ARL9: variants seen among roughly 807,000 people sequenced by gnomAD.
ARL9 encodes the protein ADP-ribosylation factor-like protein 9.
ARL9 carries 14 observed loss-of-function variants against 27.0 expected under a neutral mutation model. The observed-to-expected ratio is 0.52, with a 90% CI of 0.34 to 0.81. The LOEUF is 0.81. Among genes scored for constraint, ARL9 ranks in the 30% least tolerant of loss-of-function variants. ARL9 has a pLI of 0.01. For missense variants in ARL9, 294 were observed against 290.0 expected (o/e 1.01, Z -0.10); for synonymous variants, 106 against 108.7 (o/e 0.98, Z 0.15).
At chr4:56,520,688 G>GA (rs1356628530) in intron 3 of ARL9, among the ~76,000 whole-genome samples, 2 of 152,168 alleles carry the variant, frequency 1.3e-5, no homozygotes, top group South Asian at 2.1e-4. Context: ...AATAAAAATT[G>GA]AAAAAAATTT....
chr4:56,513,716 T>C (rs1039878929), intron 2 of ARL9, among the ~76,000 whole-genome samples: 12 of 152,170 alleles, frequency 7.9e-5, no homozygotes, highest in African/African-American at 2.4e-4. Flanking sequence ...CAGTATTTAA[T>C]CTGCAGTGGG....
intron 2 of ARL9, among the ~76,000 whole-genome samples, chr4:56,517,129 C>T (rs1344155973): frequency 6.6e-6 from 1 of 152,104 alleles, no homozygotes; most frequent in African/African-American, 2.4e-5. Flanking sequence ...ATGTTTAGAG[C>T]AGCATTGTTT....
At chr4:56,517,134 T>C (rs1578212829) in intron 2 of ARL9, among the ~76,000 whole-genome samples, 1 of 152,302 alleles carries the variant, frequency 6.6e-6, no homozygotes, top group Admixed American at 6.5e-5. Flanking sequence ...TAGAGCAGCA[T>C]TGTTTATTGT....
intron 3 of ARL9, among the ~76,000 whole-genome samples, chr4:56,520,268 T>C (rs1202466603): frequency 6.6e-6 from 1 of 152,052 alleles, no homozygotes; most frequent in Admixed American, 6.6e-5. Context: ...CTCCCAAAGT[T>C]CTGGGATTAC....
In ARL9 at chr4:56,507,610, C is replaced by G. The variant is rs565046701; in HGVS notation, c.279+1469C>G. 4.2e-4 allele frequency among the ~76,000 whole-genome samples: 63 copies of G among 151,528 alleles called. 1 individual carries two copies. The highest frequency in any genetic ancestry group is 7.4e-5 in the Non-Finnish European group (5 of 67,894). On this transcript the variant is annotated intron_variant, in intron 1 of 3. Coordinates refer to ENST00000640821, the MANE Select transcript of ARL9 (RefSeq NM_001363794.2). ...GATTACAGGCATGAGCCACTGTGCCCGGCCTGGGAACTGCTTTTAATTCAC... is the reference window on the plus strand; with the variant it reads ...GATTACAGGCATGAGCCACTGTGCCGGGCCTGGGAACTGCTTTTAATTCAC...
intron 3 of ARL9, among the ~76,000 whole-genome samples, chr4:56,522,814 T>G (rs1360758280): frequency 6.6e-6 from 1 of 152,160 alleles, no homozygotes; most frequent in Non-Finnish European, 1.5e-5. Flanking sequence ...TCTCTTTCCC[T>G]GTCTCTCCTC....
At chr4:56,511,084 A>G in intron 1 of ARL9, 101 bp from the exon 2 acceptor site, 1 of 1,230,646 alleles carries the variant, frequency 8.1e-7, no homozygotes, top group Non-Finnish European at 1.1e-6. Flanking sequence ...GTGGAGTTTT[A>G]TTCTGGTTAC....
chr4:56,506,786 TTGTGTGTGTG>T (rs138908292), intron 1 of ARL9: 127 of 181,690 alleles, frequency 7.0e-4, no homozygotes, highest in Admixed American at 2.2e-3. Flanking sequence ...ATTAACACAG[TTGTGTGTGTG>T]TGTGTGTGTG....
chr4:56,509,891 T>A (rs539856675), intron 1 of ARL9, among the ~76,000 whole-genome samples: 10 of 151,800 alleles, frequency 6.6e-5, no homozygotes, highest in Admixed American at 5.9e-4. Context: ...GTATTTTAAG[T>A]AGACACAGAG....
At chr4:56,515,464 C>G (rs191118611) in intron 2 of ARL9, among the ~76,000 whole-genome samples, 27 of 152,106 alleles carry the variant, frequency 1.8e-4, no homozygotes, top group African/African-American at 6.3e-4. Flanking sequence ...ACAGAAAGTA[C>G]TAAATGTTAG....
intron 1 of ARL9, among the ~76,000 whole-genome samples, chr4:56,507,554 A>G (rs1721500384): frequency 6.6e-6 from 1 of 151,190 alleles, no homozygotes; most frequent in South Asian, 2.1e-4. Context: ...AGCTCAAGCG[A>G]TCCACCCGCG....
At chr4:56,508,100 G>A (rs1333705985) in intron 1 of ARL9, among the ~76,000 whole-genome samples, 1 of 152,142 alleles carries the variant, frequency 6.6e-6, no homozygotes, top group African/African-American at 2.4e-5. Context: ...GTATGTTGGG[G>A]TAGGCTGAAT....
chr4:56,521,686 TTTA>T (rs1387581605), intron 3 of ARL9, among the ~76,000 whole-genome samples: 1 of 152,228 alleles, frequency 6.6e-6, no homozygotes, highest in East Asian at 1.9e-4. Flanking sequence ...GAACTTGTTT[TTTA>T]TTATTCTAAT....
chr4:56,518,000 T>C (rs556588298), intron 2 of ARL9, among the ~76,000 whole-genome samples: 1 of 152,252 alleles, frequency 6.6e-6, no homozygotes, highest in East Asian at 1.9e-4. Flanking sequence ...TCCCATTTTC[T>C]TTTTCTTTTC....
Position 56,506,059 on chromosome 4 carries a change from AAG to A in ARL9, c.201_202del (p.Lys68GlyfsTer4). 8.3e-7 allele frequency: 1 copy of A among 1,201,526 alleles called. No homozygotes were observed. Among genetic ancestry groups the A allele is most frequent in the Non-Finnish European group, 1.0e-6 (1 of 962,716 alleles). 74.4% of individuals were successfully genotyped at this position (1,201,526 alleles called of 1,614,324 possible). ...ACAAAGCAAGGGAAGGAGACAAACA[AAG>A]AGAAGGAACAATTTAAGGGACAAGA... is the stretch of plus-strand genomic sequence containing the variant. On this transcript the variant is annotated frameshift_variant, in exon 1 of 4. Coordinates refer to ENST00000640821, the MANE Select transcript of ARL9 (RefSeq NM_001363794.2). LOFTEE classifies it high-confidence loss of function.
At chr4:56,510,469 C>T (rs998935627) in intron 1 of ARL9, among the ~76,000 whole-genome samples, 4 of 152,038 alleles carry the variant, frequency 2.6e-5, no homozygotes, top group African/African-American at 4.8e-5. Flanking sequence ...GCTTATGCAC[C>T]GAGTGGCACA....
chr4:56,520,185 T>C (rs2110154318), intron 3 of ARL9, among the ~76,000 whole-genome samples: 1 of 152,280 alleles, frequency 6.6e-6, no homozygotes, highest in African/African-American at 2.4e-5. Flanking sequence ...GTATTTTTAG[T>C]AGAGACAGAG....
At chr4:56,506,268 A>G in intron 1 of ARL9, 127 bp downstream of exon 1, 2 of 977,900 alleles carry the variant, frequency 2.0e-6, no homozygotes, top group Non-Finnish European at 2.6e-6. Flanking sequence ...ACTGAGGGCT[A>G]TTTACCTATG....
Position 56,505,812 on chromosome 4 carries a change from C to T in ARL9, c.-51C>T, listed in dbSNP as rs766937966. ...AGCCACACCTGGGGCCCAGAGCCAC[C>T]GCTCAGCACGCGGGCACGCGGCGGG... On this transcript the variant is annotated 5_prime_UTR_variant, in exon 1 of 4. Transcript: ENST00000640821. 193 of 1,296,974 alleles carry T rather than the reference C, an allele frequency of 1.5e-4. No individual in the cohort carries two copies. Among genetic ancestry groups the T allele is most frequent in the Non-Finnish European group, 1.8e-4 (188 of 1,025,374 alleles). 80.3% of individuals were successfully genotyped at this position (1,296,974 alleles called of 1,614,324 possible).
Sources: allele counts gnomAD v4.1 joint callset (sites outside exome capture counted in the v4.1 genomes callset), GRCh38; gene constraint gnomAD v4.1.1; transcripts MANE v1.5; gene names NCBI Gene and HGNC (gene_info 2026-07-23, HGNC 2026-07-21).